VPS13B: variants seen among roughly 807,000 people sequenced by gnomAD.
VPS13B encodes the protein intermembrane lipid transfer protein VPS13B.
VPS13B carries 285 observed loss-of-function variants against 426.4 expected under a neutral mutation model. The ratio of observed to expected loss-of-function variants is 0.67; its 90% confidence interval spans 0.61 to 0.74. The LOEUF is 0.74. Ranked by LOEUF, VPS13B falls within the 30% of genes least tolerant of loss-of-function variation. The probability of loss-of-function intolerance (pLI) is 0.00; values close to 1 mark genes in which losing one functional copy is unlikely to be tolerated. For missense variants in VPS13B, 4,537 were observed against 4,782.6 expected (o/e 0.95, Z 1.51); for synonymous variants, 1,676 against 1,676.4 (o/e 1.00, Z 0.01).
chr8:99,077,037 A>G (rs1845163874), intron 3 of VPS13B, among the ~76,000 whole-genome samples: 1 of 151,814 alleles, frequency 6.6e-6, no homozygotes, highest in Non-Finnish European at 1.5e-5. Flanking sequence ...TGAGTTTTAT[A>G]CTTTCATGTG....
chr8:99,054,180 G>C (rs772184936), intron 3 of VPS13B, among the ~76,000 whole-genome samples: 1 of 152,136 alleles, frequency 6.6e-6, no homozygotes, highest in African/African-American at 2.4e-5. Flanking sequence ...CAGTTCTTTT[G>C]CATATATACT....
chr8:99,786,427 T>G lies in VPS13B; in HGVS notation c.7941+1951T>G, dbSNP rs114985980. Among the ~76,000 whole-genome samples, 546 of 152,228 alleles carry G rather than the reference T, an allele frequency of 3.6e-3. 4 individuals carry two copies. Among genetic ancestry groups the G allele is most frequent in the African/African-American group, 0.012 (499 of 41,530 alleles). ...CAGTGTCACTTCAATGTTGTCTCAC[T>G]CCCCTAGGTTTTGGCAGCATGATTT... On this transcript the variant is annotated intron_variant, in intron 43 of 61. Transcript: ENST00000357162.
chr8:99,756,649 G>A (rs1268469961), intron 39 of VPS13B, among the ~76,000 whole-genome samples: 1 of 152,150 alleles, frequency 6.6e-6, no homozygotes, highest in East Asian at 1.9e-4. Flanking sequence ...CTCATCAAAA[G>A]CCATAGAGAC....
At chr8:99,681,906 A>T (rs1186534498) in intron 35 of VPS13B, among the ~76,000 whole-genome samples, 2 of 152,130 alleles carry the variant, frequency 1.3e-5, no homozygotes, top group African/African-American at 2.4e-5. Flanking sequence ...CAAATAAGTA[A>T]CTCCCTTACC....
intron 19 of VPS13B, among the ~76,000 whole-genome samples, chr8:99,303,281 G>GAAA (rs1820466484): frequency 2.7e-5 from 2 of 74,946 alleles, no homozygotes; most frequent in Non-Finnish European, 5.9e-5. Context: ...AAAAAAAAAG[G>GAAA]AAAACAACTA....
At chr8:99,497,277 TATATATACATAAAAATGC>T (rs1339752050) in intron 25 of VPS13B, among the ~76,000 whole-genome samples, 59 of 144,144 alleles carry the variant, frequency 4.1e-4, no homozygotes, top group Non-Finnish European at 7.4e-4. Context: ...TGTATATATT[TATATATACATAAAAATGC>T]ATATATACAT....
In VPS13B at chr8:99,361,224, C is replaced by T. The variant is rs141850616; in HGVS notation, c.2825-22984C>T. Among the ~76,000 whole-genome samples, 4 of 152,298 alleles carry T rather than the reference C, an allele frequency of 2.6e-5. No homozygotes were observed. The East Asian group carries it at 7.7e-4, about 29-fold the overall frequency. On this transcript the variant is annotated intron_variant, in intron 19 of 61. Coordinates refer to ENST00000357162, the MANE Select transcript of VPS13B (RefSeq NM_152564.5). ...CTTATCAGAGTCTCATTGGAAAATT[C>T]ATTAGACACTCACCTGCATTATTGA...
intron 17 of VPS13B, among the ~76,000 whole-genome samples, chr8:99,269,071 G>A (rs1818446845): frequency 6.6e-6 from 1 of 152,068 alleles, no homozygotes; most frequent in Non-Finnish European, 1.5e-5. Flanking sequence ...CATCATGATT[G>A]TAAGTTTCCT....
chr8:99,357,173 T>A (rs1407403127), intron 19 of VPS13B, among the ~76,000 whole-genome samples: 1 of 152,190 alleles, frequency 6.6e-6, no homozygotes, highest in Non-Finnish European at 1.5e-5. Flanking sequence ...ATTAAACTGA[T>A]CAGAATGCCC....
intron 33 of VPS13B, among the ~76,000 whole-genome samples, chr8:99,606,041 G>A (rs1358708719): frequency 6.6e-6 from 1 of 151,836 alleles, no homozygotes; most frequent in Non-Finnish European, 1.5e-5. Flanking sequence ...GACTACAGGC[G>A]CATGCCACCA....
chr8:99,218,368 C>A (rs534976833), intron 17 of VPS13B, among the ~76,000 whole-genome samples: 1 of 152,026 alleles, frequency 6.6e-6, no homozygotes, highest in Non-Finnish European at 1.5e-5. Flanking sequence ...TGATCACTAC[C>A]CTGGTAGTAG....
intron 57 of VPS13B, among the ~76,000 whole-genome samples, chr8:99,861,225 C>T (rs1024399377): frequency 6.6e-6 from 1 of 152,198 alleles, no homozygotes; most frequent in Non-Finnish European, 1.5e-5. Flanking sequence ...TCTGCACCTG[C>T]GATTCTTACC....
At chr8:99,784,775 G>C (rs545256598) in intron 43 of VPS13B, among the ~76,000 whole-genome samples, 1 of 152,204 alleles carries the variant, frequency 6.6e-6, no homozygotes, top group East Asian at 1.9e-4. Context: ...TCTACTTTCT[G>C]TTCTTCAGTT....
At chr8:99,653,681 T>C (rs936346035) in intron 34 of VPS13B, among the ~76,000 whole-genome samples, 2 of 152,172 alleles carry the variant, frequency 1.3e-5, no homozygotes, top group Admixed American at 1.3e-4. Flanking sequence ...ATTCATTAAG[T>C]ATAAAGAATA....
intron 22 of VPS13B, among the ~76,000 whole-genome samples, chr8:99,441,853 A>C (rs1040258725): frequency 6.6e-6 from 1 of 152,190 alleles, no homozygotes; most frequent in East Asian, 1.9e-4. Context: ...TAAATCTGAT[A>C]CATGTATGTA....
At chr8:99,302,035 C>G in intron 19 of VPS13B, among the ~76,000 whole-genome samples, 1 of 152,242 alleles carries the variant, frequency 6.6e-6, no homozygotes, top group Middle Eastern at 3.4e-3. Context: ...AATAAGAGAG[C>G]TCTGGAGCTC....
chr8:99,543,120 A>G (rs1235139057), intron 30 of VPS13B, among the ~76,000 whole-genome samples: 1 of 152,180 alleles, frequency 6.6e-6, no homozygotes, highest in Non-Finnish European at 1.5e-5. Flanking sequence ...AGAGATATAG[A>G]TCAATGGAAC....
At chr8:99,851,922 G>A (rs1476465849) in intron 55 of VPS13B, among the ~76,000 whole-genome samples, 3 of 152,064 alleles carry the variant, frequency 2.0e-5, no homozygotes, top group Admixed American at 2.0e-4. Flanking sequence ...AGAGAAACAA[G>A]GGCACAAGCA....
intron 17 of VPS13B, among the ~76,000 whole-genome samples, chr8:99,273,388 G>A (rs1391430137): frequency 6.6e-6 from 1 of 151,428 alleles, no homozygotes; most frequent in East Asian, 2.0e-4. Flanking sequence ...GGATGGTCTC[G>A]ATCTCTTGAC....
Sources: gnomAD v4.1 joint callset for allele counts (sites outside exome capture counted in the v4.1 genomes callset) on GRCh38, gnomAD v4.1.1 for gene constraint, MANE v1.5 for transcripts, NCBI Gene and HGNC (gene_info 2026-07-23, HGNC 2026-07-21) for gene names.